PRKAR1A: variants seen among roughly 807,000 people sequenced by gnomAD.
The protein encoded by PRKAR1A is protein kinase cAMP-dependent type I regulatory subunit alpha.
PRKAR1A carries 3 observed loss-of-function variants against 52.0 expected under a neutral mutation model. That is an observed-to-expected ratio of 0.06 (90% CI 0.03 to 0.15). The LOEUF is 0.15. PRKAR1A is among the 10% of genes least tolerant of loss of function. The probability of loss-of-function intolerance (pLI) is 1.00; values close to 1 mark genes in which losing one functional copy is unlikely to be tolerated. For synonymous variants in PRKAR1A, 188 were observed against 168.4 expected (o/e 1.12, Z -0.90); for missense variants, 240 against 477.4 (o/e 0.50, Z 4.63).
chr17:68,508,093 GGAA>G (rs1163375664), upstream of PRKAR1A, among the ~76,000 whole-genome samples: 2 of 152,160 alleles, frequency 1.3e-5, no homozygotes, highest in African/African-American at 4.8e-5. Context: ...GGTTCCCTGA[GGAA>G]GAAGGAGTTC....
the PRKAR1A span, among the ~76,000 whole-genome samples, chr17:68,491,094 CTTT>C: frequency 6.9e-6 from 1 of 145,182 alleles, no homozygotes; most frequent in Non-Finnish European, 1.5e-5. Flanking sequence ...TTCTTTCTTT[CTTT>C]TTTTTTTTTT....
At chr17:68,547,339 G>A (rs1239607540) in intron 11 of PRKAR1A, among the ~76,000 whole-genome samples, 1 of 152,164 alleles carries the variant, frequency 6.6e-6, no homozygotes, top group East Asian at 1.9e-4. Flanking sequence ...TGTTACATAT[G>A]TATACATGTG....
the PRKAR1A span, among the ~76,000 whole-genome samples, chr17:68,475,107 A>G: frequency 6.6e-6 from 1 of 152,178 alleles, no homozygotes; most frequent in African/African-American, 2.4e-5. Flanking sequence ...CTCTCAACAG[A>G]TCTCTTAGTG....
At chr17:68,450,588 C>A in the PRKAR1A span, 18 of 1,162,882 alleles carry the variant, frequency 1.5e-5, no homozygotes, top group Non-Finnish European at 2.1e-5. Context: ...ACAATACCCC[C>A]GGGACACGGG....
chr17:68,538,847 CGTT>C (rs1358866885), intron 11 of PRKAR1A, among the ~76,000 whole-genome samples: 6 of 152,104 alleles, frequency 3.9e-5, no homozygotes, highest in African/African-American at 9.7e-5. Context: ...AAAGACAAAA[CGTT>C]GTGGGGGAAA....
intron 2 of PRKAR1A, among the ~76,000 whole-genome samples, chr17:68,518,634 G>C (rs1404987681): frequency 6.6e-6 from 1 of 152,202 alleles, no homozygotes; most frequent in Admixed American, 6.5e-5. Flanking sequence ...CCCCTCCTAG[G>C]CCTCTGGGCC....
downstream of PRKAR1A, chr17:68,537,254 T>A (rs998947356): frequency 2.9e-6 from 2 of 698,874 alleles, no homozygotes; most frequent in African/African-American, 3.5e-5. This position sits in a 1 kb window ranked among gnomAD's most constrained non-coding sequence, Gnocchi z 4.2. Context: ...AAGCCAGTGC[T>A]TTTTGGGAAA....
intron 2 of PRKAR1A, among the ~76,000 whole-genome samples, chr17:68,518,347 C>G (rs555768946): frequency 2.0e-5 from 3 of 152,232 alleles, no homozygotes; most frequent in Admixed American, 6.5e-5. Context: ...AGGAGGGCCA[C>G]GCCCCTGCAG....
chr17:68,460,867 C>T, the PRKAR1A span, among the ~76,000 whole-genome samples: 1 of 152,184 alleles, frequency 6.6e-6, no homozygotes, highest in African/African-American at 2.4e-5. Flanking sequence ...AAAAATTTCC[C>T]AGAAGTCCAT....
chr17:68,458,198 C>T, the PRKAR1A span, among the ~76,000 whole-genome samples: 1 of 152,166 alleles, frequency 6.6e-6, no homozygotes, highest in Non-Finnish European at 1.5e-5. Context: ...ACTTGCCAAG[C>T]GCGCCGTACT....
the PRKAR1A span, among the ~76,000 whole-genome samples, chr17:68,464,448 C>T: frequency 2.6e-5 from 4 of 152,078 alleles, no homozygotes; most frequent in Non-Finnish European, 5.9e-5. Flanking sequence ...CTGACATTGC[C>T]GAGGCGGATG....
chr17:68,414,818 C>T, the PRKAR1A span, among the ~76,000 whole-genome samples: 1 of 152,078 alleles, frequency 6.6e-6, no homozygotes, highest in Non-Finnish European at 1.5e-5. Context: ...AGTTTAAATG[C>T]AAAGGTGTTC....
chr17:68,433,883 A>G, the PRKAR1A span, among the ~76,000 whole-genome samples: 2 of 145,812 alleles, frequency 1.4e-5, no homozygotes, highest in African/African-American at 2.6e-5. Context: ...CCTGGGTTCA[A>G]GCGATTCTCC....
chr17:68,502,986 A>C, the PRKAR1A span, among the ~76,000 whole-genome samples: 1 of 152,206 alleles, frequency 6.6e-6, no homozygotes. Context: ...ATTCAGAAGC[A>C]TTCATGCTCA....
the PRKAR1A span, among the ~76,000 whole-genome samples, chr17:68,427,801 G>A: frequency 1.3e-5 from 2 of 152,228 alleles, no homozygotes; most frequent in Non-Finnish European, 2.9e-5. Flanking sequence ...AGCAGCCATC[G>A]GTGGGGGGCG....
At chr17:68,540,406 G>A (rs2086232353) in intron 11 of PRKAR1A, 1 of 453,946 alleles carries the variant, frequency 2.2e-6, no homozygotes, top group African/African-American at 2.0e-5. Context: ...CTAAGCTCCT[G>A]TATGACGGCC....
intron 8 of PRKAR1A, 116 bp downstream of exon 8, chr17:68,528,016 A>T: frequency 1.1e-6 from 1 of 906,132 alleles, no homozygotes. Context: ...CCCTGAAAAG[A>T]CAGAAGGGCT....
chr17:68,489,332 A>G, the PRKAR1A span, among the ~76,000 whole-genome samples: 5 of 69,610 alleles, frequency 7.2e-5, no homozygotes, highest in African/African-American at 3.8e-4. Context: ...ATATATATAT[A>G]TGGAAAGTAT....
At chr17:68,417,557 A>G in the PRKAR1A span, among the ~76,000 whole-genome samples, 1 of 151,638 alleles carries the variant, frequency 6.6e-6, no homozygotes, top group Non-Finnish European at 1.5e-5. Context: ...CAATTTGTCA[A>G]TTACAGTTCA....
Sources: gnomAD v4.1 joint callset for allele counts (sites outside exome capture counted in the v4.1 genomes callset) on GRCh38, gnomAD v4.1.1 for gene constraint, Gnocchi (gnomAD v3.1) non-coding constraint, MANE v1.5 for transcripts, NCBI Gene and HGNC (gene_info 2026-07-23, HGNC 2026-07-21) for gene names.